The following CCDC170 variants were observed in gnomAD, a reference collection of about 807,000 sequenced individuals.
The protein encoded by CCDC170 is coiled-coil domain containing 170.
CCDC170 carries 69 observed loss-of-function variants against 72.6 expected under a neutral mutation model. The observed-to-expected ratio is 0.95, with a 90% CI of 0.78 to 1.16. CCDC170 has a LOEUF of 1.16. Ranked by LOEUF, CCDC170 falls within the 50% of genes most tolerant of loss-of-function variation. CCDC170 has a pLI of 0.00. For synonymous variants in CCDC170, 300 were observed against 303.9 expected (o/e 0.99, Z 0.13); for missense variants, 852 against 832.5 (o/e 1.02, Z -0.29).
At chr6:151,613,044 G>A (rs749267084) in intron 9 of CCDC170, among the ~76,000 whole-genome samples, 2 of 152,080 alleles carry the variant, frequency 1.3e-5, no homozygotes, top group East Asian at 1.9e-4. Flanking sequence ...CTTTTAAAGA[G>A]CTTCCTTGTA....
At chr6:151,562,506 G>T (rs1235842198) in intron 5 of CCDC170, among the ~76,000 whole-genome samples, 1 of 152,162 alleles carries the variant, frequency 6.6e-6, no homozygotes, top group African/African-American at 2.4e-5. Context: ...GTTGTGGATA[G>T]CTTCTGTGTG....
At position 151,621,070 on chromosome 6, in the gene CCDC170, G is replaced by A. The variant is rs1033628496; in HGVS notation, c.*2923G>A. On this transcript the variant is annotated 3_prime_UTR_variant, in exon 11 of 11. Transcript: ENST00000239374. Reference sequence around the variant, plus strand: ...GATCTTTAGGGACTTCTAATGAAAAGGGTATATGAAATGGGAACAATAAAT... The same window carrying A: ...GATCTTTAGGGACTTCTAATGAAAAAGGTATATGAAATGGGAACAATAAAT... The A allele has an allele frequency of 2.0e-5, 3 of 152,178 alleles. No individual in the cohort carries two copies. The highest frequency in any genetic ancestry group is 4.4e-5 in the Non-Finnish European group (3 of 68,046). 9.4% of individuals were successfully genotyped at this position (152,178 alleles called of 1,614,324 possible). A position where few individuals can be genotyped will look rare whatever the true frequency, so the allele number is the denominator to read the frequency against.
intron 5 of CCDC170, among the ~76,000 whole-genome samples, chr6:151,572,285 A>G (rs1562286059): frequency 6.6e-6 from 1 of 152,164 alleles, no homozygotes; most frequent in Non-Finnish European, 1.5e-5. Context: ...TTATGAGACA[A>G]GGGGATATGC....
At chr6:151,522,053 G>A (rs990137422) in intron 1 of CCDC170, among the ~76,000 whole-genome samples, 15 of 151,304 alleles carry the variant, frequency 9.9e-5, no homozygotes, top group African/African-American at 1.9e-4. Context: ...CCAGCTACTC[G>A]GAAGGCTGAG....
intron 7 of CCDC170, among the ~76,000 whole-genome samples, chr6:151,588,982 G>C (rs1435968650): frequency 6.6e-6 from 1 of 151,766 alleles, no homozygotes; most frequent in Non-Finnish European, 1.5e-5. Context: ...GGCCAGATGT[G>C]GTGGCTCATG....
intron 5 of CCDC170, among the ~76,000 whole-genome samples, chr6:151,554,871 A>AG (rs201897338): frequency 6.4e-4 from 77 of 119,380 alleles, no homozygotes; most frequent in African/African-American, 2.3e-3. Flanking sequence ...TTTGGACCTC[A>AG]GTTTTTTTTT....
chr6:151,589,704 G>T (rs1382931948), intron 7 of CCDC170, among the ~76,000 whole-genome samples: 1 of 152,130 alleles, frequency 6.6e-6, no homozygotes, highest in African/African-American at 2.4e-5. Flanking sequence ...TGCCAGGGAG[G>T]TCTTAATGAA....
chr6:151,615,706 T>G (rs1292710409), intron 10 of CCDC170, 27 bp downstream of exon 10: 1 of 1,490,136 alleles, frequency 6.7e-7, no homozygotes, highest in South Asian at 1.2e-5. Flanking sequence ...TGATGAAACC[T>G]TGTTTAGGAA....
intron 6 of CCDC170, among the ~76,000 whole-genome samples, chr6:151,573,849 C>G (rs1014846142): frequency 2.6e-5 from 4 of 152,222 alleles, no homozygotes; most frequent in African/African-American, 9.6e-5. Context: ...CCCACCAGGT[C>G]CCTCCCACGA....
chr6:151,603,212 A>C (rs1443787841), intron 9 of CCDC170, among the ~76,000 whole-genome samples: 1 of 150,692 alleles, frequency 6.6e-6, no homozygotes, highest in Non-Finnish European at 1.5e-5. Flanking sequence ...TGAGTTTGGC[A>C]TGTTTAAAGT....
chr6:151,539,310 C>G (rs1192724715), intron 3 of CCDC170, among the ~76,000 whole-genome samples: 1 of 152,076 alleles, frequency 6.6e-6, no homozygotes, highest in Non-Finnish European at 1.5e-5. Flanking sequence ...TCTCTTCTCT[C>G]TCTGGAATCT....
In CCDC170 at chr6:151,494,161, G is replaced by A. The variant is rs1246949232; in HGVS notation, c.33G>A (p.Leu11=). The A allele has an allele frequency of 2.0e-6, 3 of 1,525,576 alleles. No homozygotes were observed. The allele number at this position is 1,525,576 out of a possible 1,614,324, so 94.5% of individuals were successfully genotyped here. A position where few individuals can be genotyped will look rare whatever the true frequency, so the allele number is the denominator to read the frequency against. ...TGGACTGCACCAGCCATATCGCGCTGGGTGCCGCTTCGCCAGCGCCCGAGG... is the reference window on the plus strand; with the variant it reads ...TGGACTGCACCAGCCATATCGCGCTAGGTGCCGCTTCGCCAGCGCCCGAGG... MSLDCTSHIA[L]GAASPAPEET... The change falls in exon 1 of 11, where the codon CTG becomes CTA. Residue 11 remains leucine, a synonymous_variant. Transcript: ENST00000239374.
In CCDC170 at chr6:151,573,433, A is replaced by T. The variant is rs1232277028; in HGVS notation, c.1034A>T (p.Glu345Val). 1 of 1,614,184 alleles carries T rather than the reference A, an allele frequency of 6.2e-7. No individual in the cohort carries two copies. Among genetic ancestry groups the T allele is most frequent in the South Asian group, 1.1e-5 (1 of 91,080 alleles). The part of the protein sequence containing the change: ...RGRLSMTGST[E>V]DTILEKIREM... ...AGATTGAGCATGACTGGGTCCACTGAGGACACCATTTTGGAGAAGATTCGA... is the reference window on the plus strand; with the variant it reads ...AGATTGAGCATGACTGGGTCCACTGTGGACACCATTTTGGAGAAGATTCGA... Residue 345 changes from glutamate to valine, a missense_variant, in exon 6 of 11, where the codon GAG becomes GTG. By Grantham distance (121) the Glu-to-Val change is moderately radical. Transcript: ENST00000239374.
At chr6:151,530,617 T>C (rs1326946144) in intron 1 of CCDC170, among the ~76,000 whole-genome samples, 1 of 151,966 alleles carries the variant, frequency 6.6e-6, no homozygotes, top group Non-Finnish European at 1.5e-5. Flanking sequence ...AATTTTTGTA[T>C]GTTTAGTAGA....
intron 1 of CCDC170, among the ~76,000 whole-genome samples, chr6:151,512,587 T>C (rs1211065695): frequency 1.3e-5 from 2 of 152,228 alleles, no homozygotes; most frequent in East Asian, 1.9e-4. Context: ...CAGAGACTTG[T>C]GGGTTTGAAT....
chr6:151,531,744 C>A (rs1319147861), intron 1 of CCDC170, among the ~76,000 whole-genome samples: 2 of 151,990 alleles, frequency 1.3e-5, no homozygotes, highest in Non-Finnish European at 1.5e-5. Flanking sequence ...CTGGGGAGGC[C>A]CCAGGAAACT....
rs1197014394 is a variant in CCDC170 at position 151,536,347 on chromosome 6, G to A, written c.87G>A (p.Pro29=). The A allele has an allele frequency of 3.1e-6, 5 of 1,613,886 alleles. No homozygotes were observed. Among genetic ancestry groups the A allele is most frequent in the African/African-American group, 2.7e-5 (2 of 74,910 alleles). Reference sequence around the variant, plus strand: ...CTTACGATCATCTTTCGGAAGTCCCGGTCACGCGGGAGCAGTTAAACCACT... The same window carrying A: ...CTTACGATCATCTTTCGGAAGTCCCAGTCACGCGGGAGCAGTTAAACCACT... ...EETYDHLSEV[P]VTREQLNHYR... The change falls in exon 2 of 11, where the codon CCG becomes CCA. Residue 29 remains proline, a synonymous_variant. Transcript: ENST00000239374.
rs1782082352 is a variant in CCDC170, at chr6:151,507,547, A to G, written c.57+13362A>G. Among the ~76,000 whole-genome samples the G allele has an allele frequency of 2.6e-5, 4 of 152,342 alleles. No individual in the cohort carries two copies. In the South Asian group the frequency reaches 8.3e-4, roughly 32 times the overall value. On this transcript the variant is annotated intron_variant, in intron 1 of 10. Transcript: ENST00000239374. ...TATGAAAGAAGGGACCCATGAAGGCAAAAGTGTATAGGGCCCACAAAAGTT... is the reference window on the plus strand; with the variant it reads ...TATGAAAGAAGGGACCCATGAAGGCGAAAGTGTATAGGGCCCACAAAAGTT...
At chr6:151,584,993 A>G (rs1377267848) in intron 6 of CCDC170, among the ~76,000 whole-genome samples, 2 of 152,222 alleles carry the variant, frequency 1.3e-5, no homozygotes, top group Non-Finnish European at 2.9e-5. Flanking sequence ...AACCATCGAA[A>G]GAAAACAAAT....
Sources: allele counts gnomAD v4.1 joint callset (sites outside exome capture counted in the v4.1 genomes callset), GRCh38; gene constraint gnomAD v4.1.1; transcripts MANE v1.5; gene names NCBI Gene and HGNC (gene_info 2026-07-23, HGNC 2026-07-21).